The following TMEM38B variants were observed in gnomAD, a reference collection of about 807,000 sequenced individuals.
TMEM38B encodes transmembrane protein 38B.
In TMEM38B, 24 loss-of-function variants were observed where a neutral mutation model predicts 28.7. The ratio of observed to expected loss-of-function variants is 0.84; its 90% CI spans 0.61 to 1.18. The LOEUF (loss-of-function observed/expected upper bound fraction) is 1.18, where lower values mean the gene tolerates loss of function less well. Ranked by LOEUF, TMEM38B falls within the 50% of genes most tolerant of loss-of-function variation. The pLI is 0.00. For synonymous variants in TMEM38B, 131 were observed against 127.7 expected, an observed-to-expected ratio of 1.03 and a Z score of -0.17; for missense variants, 380 against 350.9, an observed-to-expected ratio of 1.08 and a Z score of -0.66.
intron 1 of TMEM38B, among the ~76,000 whole-genome samples, chr9:105,695,712 G>A (rs1835263335): frequency 1.3e-5 from 2 of 152,274 alleles, no homozygotes; most frequent in Admixed American, 1.3e-4. Context: ...TAGTTGATGA[G>A]TGAGGTCTGG....
intron 4 of TMEM38B, among the ~76,000 whole-genome samples, chr9:105,729,689 A>G (rs965610248): frequency 6.6e-6 from 1 of 152,076 alleles, no homozygotes; most frequent in Non-Finnish European, 1.5e-5. Context: ...CCATTTTCAC[A>G]ATATTGATTC....
At chr9:105,740,634 C>A (rs1837167990) in intron 4 of TMEM38B, among the ~76,000 whole-genome samples, 1 of 152,078 alleles carries the variant, frequency 6.6e-6, no homozygotes. Context: ...CTTATTGCTG[C>A]CAGTTCATTT....
intron 4 of TMEM38B, among the ~76,000 whole-genome samples, chr9:105,741,812 G>C (rs1390912071): frequency 6.6e-6 from 1 of 152,138 alleles, no homozygotes; most frequent in South Asian, 2.1e-4. Flanking sequence ...CAATCATTTG[G>C]GAAATTCTCA....
chr9:105,747,851 G>A (rs1308915492), intron 4 of TMEM38B, among the ~76,000 whole-genome samples: 1 of 152,106 alleles, frequency 6.6e-6, no homozygotes, highest in Non-Finnish European at 1.5e-5. Flanking sequence ...AGTCATTCAG[G>A]AGCAGGTTGT....
Position 105,740,008 on chromosome 9 carries a change from G to A in TMEM38B, c.543-8065G>A, listed in dbSNP as rs145182438. Reference sequence around the variant, plus strand: ...AGTGATTCTCCTGCCTCAGCCTCCCGAGTAGCTGGGATTACAGGTGCACAC... The same window carrying A: ...AGTGATTCTCCTGCCTCAGCCTCCCAAGTAGCTGGGATTACAGGTGCACAC... On this transcript the variant is annotated intron_variant, in intron 4 of 5. Coordinates refer to ENST00000374692, the MANE Select transcript of TMEM38B (RefSeq NM_018112.3). Among the ~76,000 whole-genome samples the A allele has an allele frequency of 6.6e-3, 995 of 151,020 alleles. 4 individuals carry two copies. The highest frequency in any genetic ancestry group is 0.022 in the African/African-American group (900 of 41,146).
chr9:105,763,609 A>G (rs1838148698), intron 5 of TMEM38B, among the ~76,000 whole-genome samples: 1 of 152,236 alleles, frequency 6.6e-6, no homozygotes, highest in Non-Finnish European at 1.5e-5. Context: ...AACCAAAAAG[A>G]GTCCAGGACC....
chr9:105,765,891 G>A (rs1252765384), intron 5 of TMEM38B, among the ~76,000 whole-genome samples: 4 of 151,724 alleles, frequency 2.6e-5, no homozygotes, highest in Admixed American at 6.6e-5. Context: ...AACCTCCGCC[G>A]CATGGGTTCA....
intron 5 of TMEM38B, chr9:105,760,292 A>T (rs1311355719): frequency 2.6e-6 from 2 of 781,722 alleles, no homozygotes; most frequent in Admixed American, 3.6e-5. Flanking sequence ...TGCTGTGCTG[A>T]AAAAGTGGAT....
chr9:105,727,571 CA>C (rs1348460185), intron 4 of TMEM38B, among the ~76,000 whole-genome samples: 1 of 152,144 alleles, frequency 6.6e-6, no homozygotes, highest in East Asian at 1.9e-4. Flanking sequence ...CAAAATGTTC[CA>C]ATGAGCCTTT....
intron 2 of TMEM38B, among the ~76,000 whole-genome samples, chr9:105,721,239 A>G (rs1365088006): frequency 6.6e-6 from 1 of 152,202 alleles, no homozygotes; most frequent in African/African-American, 2.4e-5. Flanking sequence ...TAGCTTCTAG[A>G]ACAATATAGG....
At chr9:105,714,274 G>A (rs1227595209) in intron 2 of TMEM38B, among the ~76,000 whole-genome samples, 1 of 152,112 alleles carries the variant, frequency 6.6e-6, no homozygotes, top group Middle Eastern at 3.2e-3. Flanking sequence ...CCCACTGTGG[G>A]TCTTCTCTGA....
Position 105,745,157 on chromosome 9 carries a change from C to T in TMEM38B, c.543-2916C>T, listed in dbSNP as rs371566249. On this transcript the variant is annotated intron_variant, in intron 4 of 5. Coordinates refer to ENST00000374692, the MANE Select transcript of TMEM38B (RefSeq NM_018112.3). Reference sequence around the variant, plus strand: ...TTCTAGTTCTAGATCCCTGAGGAATCGCCACACTGTCTTCACAATGGTTGA... The same window carrying T: ...TTCTAGTTCTAGATCCCTGAGGAATTGCCACACTGTCTTCACAATGGTTGA... Among the ~76,000 whole-genome samples, 55 of 152,294 alleles carry T rather than the reference C, an allele frequency of 3.6e-4. No individual in the cohort carries two copies. The South Asian group carries it at 0.01, about 29-fold the overall frequency.
chr9:105,726,296 A>C (rs1250113696), intron 4 of TMEM38B, among the ~76,000 whole-genome samples: 1 of 152,192 alleles, frequency 6.6e-6, no homozygotes, highest in Non-Finnish European at 1.5e-5. Context: ...AAGCTTTCGT[A>C]GTAACACTTA....
chr9:105,734,818 A>C (rs986944224), intron 4 of TMEM38B, among the ~76,000 whole-genome samples: 2 of 148,834 alleles, frequency 1.3e-5, no homozygotes, highest in Non-Finnish European at 3.0e-5. Flanking sequence ...GCCTGTGTGC[A>C]TCCTTAAAGC....
At chr9:105,760,234 A>G (rs1045195194) in intron 5 of TMEM38B, 4 of 846,628 alleles carry the variant, frequency 4.7e-6, no homozygotes, top group South Asian at 1.3e-5. Flanking sequence ...TCATGATGCA[A>G]TGGGCATGAA....
intron 4 of TMEM38B, among the ~76,000 whole-genome samples, chr9:105,739,275 A>G (rs1333291889): frequency 6.7e-6 from 1 of 148,686 alleles, no homozygotes; most frequent in Non-Finnish European, 1.5e-5. Context: ...AAGTCCCCAA[A>G]TTAGGCAGTG....
chr9:105,709,745 G>A (rs1234820486), intron 2 of TMEM38B, among the ~76,000 whole-genome samples: 1 of 152,178 alleles, frequency 6.6e-6, no homozygotes, highest in Non-Finnish European at 1.5e-5. Context: ...TGGTGTACAA[G>A]TAAATAAACG....
chr9:105,735,234 C>T (rs1836928329), intron 4 of TMEM38B, among the ~76,000 whole-genome samples: 1 of 151,910 alleles, frequency 6.6e-6, no homozygotes, highest in Non-Finnish European at 1.5e-5. Context: ...ACTTTTTTAC[C>T]TTTTGTGTGT....
At chr9:105,755,037 A>G (rs533527829) in intron 5 of TMEM38B, among the ~76,000 whole-genome samples, 163 of 152,336 alleles carry the variant, frequency 1.1e-3, no homozygotes, top group African/African-American at 3.8e-3. Flanking sequence ...TAGAAAATCT[A>G]GAAGAAATGG....
Sources: allele counts gnomAD v4.1 joint callset (sites outside exome capture counted in the v4.1 genomes callset), GRCh38; gene constraint gnomAD v4.1.1; transcripts MANE v1.5; gene names NCBI Gene and HGNC (gene_info 2026-07-23, HGNC 2026-07-21).